PNPLA7: variants seen among roughly 807,000 people sequenced by gnomAD.
PNPLA7 encodes patatin like domain 7, lysophospholipase.
PNPLA7 carries 153 observed loss-of-function variants against 161.7 expected under a neutral mutation model. That is an observed-to-expected ratio of 0.95 (90% CI 0.83 to 1.08). The LOEUF is 1.08. PNPLA7 is among the 50% of genes least tolerant of loss of function. The pLI is 0.00. For missense variants in PNPLA7, 1,739 were observed against 1,856.6 expected, an observed-to-expected ratio of 0.94 and a Z score of 1.16; for synonymous variants, 809 against 782.1, an observed-to-expected ratio of 1.03 and a Z score of -0.57.
At chr9:137,514,716 C>G (rs1834431520) in intron 12 of PNPLA7, among the ~76,000 whole-genome samples, 1 of 140,892 alleles carries the variant, frequency 7.1e-6, no homozygotes, top group Non-Finnish European at 1.5e-5. Context: ...TGCCCGGGCC[C>G]TGTGGCTGGG....
chr9:137,517,271 C>CCTCA (rs1214334438), intron 11 of PNPLA7, among the ~76,000 whole-genome samples: 1 of 106,490 alleles, frequency 9.4e-6, no homozygotes, highest in African/African-American at 3.9e-5. Context: ...CCACTCCATC[C>CCTCA]CTCACTCACT....
Position 137,543,449 on chromosome 9 carries a change from G to A in PNPLA7, c.489C>T (p.Tyr163=), listed in dbSNP as rs1462515773. The A allele has an allele frequency of 1.9e-6, 3 of 1,614,004 alleles. No homozygotes were observed. Among genetic ancestry groups the A allele is most frequent in the African/African-American group, 1.3e-5 (1 of 74,938 alleles). Residue 163 remains tyrosine (Y), a synonymous_variant, in exon 6 of 35, where the codon TAC becomes TAT. Transcript: ENST00000406427. The surrounding 1 kb of genome is among the most constrained non-coding windows in gnomAD (Gnocchi z 6.9). ...GCTCTTACCGAACGTTTTTCAGCAT[G>A]TACAGAACTTCCGATGGCAGGTGAG... The part of the protein sequence containing the change: ...KNSHLPSEVL[Y]MLKNVRVLGH...
intron 27 of PNPLA7, 42 bp downstream of exon 27, chr9:137,464,298 A>G (rs1479404277): frequency 6.2e-7 from 1 of 1,604,958 alleles, no homozygotes; most frequent in Admixed American, 1.7e-5. Flanking sequence ...AGGAGGGGAC[A>G]GGCACTGGGG....
chr9:137,502,152 G>A (rs1370835987), intron 14 of PNPLA7, among the ~76,000 whole-genome samples: 1 of 152,178 alleles, frequency 6.6e-6, no homozygotes, highest in Non-Finnish European at 1.5e-5. Context: ...GGAGCTCCCA[G>A]AGGTGACCCG....
At position 137,523,293 on chromosome 9, in the gene PNPLA7, G is replaced by A. The variant is rs1252449450; in HGVS notation, c.748-436C>T. Among the ~76,000 whole-genome samples, 1 of 152,118 alleles carries A rather than the reference G, an allele frequency of 6.6e-6. No individual in the cohort carries two copies. Among genetic ancestry groups the A allele is most frequent in the African/African-American group, 2.4e-5 (1 of 41,418 alleles). The stretch of plus-strand genomic sequence containing the variant: ...CTAAAAAGGCCACCGAGAGGGTCAG[G>A]AGCCACCACTGTCAAATGCCCACCG... On this transcript the variant is annotated intron_variant, in intron 8 of 34. Transcript: ENST00000406427. This position sits in a 1 kb window ranked among gnomAD's most constrained non-coding sequence, Gnocchi z 4.4.
Position 137,480,301 on chromosome 9 carries a change from C to T in PNPLA7, c.2580+11G>A. 2 of 1,610,264 alleles carry T rather than the reference C, an allele frequency of 1.2e-6. No homozygotes were observed. The highest frequency in any genetic ancestry group is 1.7e-6 in the Non-Finnish European group (2 of 1,179,416). ...GCTCTCCCCAGCTCCACCGGCCCTCCCCGTGCTCACCTCGCCCACTGTGGG... is the reference window on the plus strand; with the variant it reads ...GCTCTCCCCAGCTCCACCGGCCCTCTCCGTGCTCACCTCGCCCACTGTGGG... On this transcript the variant is annotated intron_variant, in intron 23 of 34. Transcript: ENST00000406427.
rs1266912570 is a variant in PNPLA7 at position 137,523,504 on chromosome 9, G to A, written c.748-647C>T. ...ATCTTCTAGAAATTGGTGGGCTCTA[G>A]AGAGAAAAGGCTGTTTTTAAATCAC... On this transcript the variant is annotated intron_variant, in intron 8 of 34. Coordinates refer to ENST00000406427, the MANE Select transcript of PNPLA7 (RefSeq NM_001098537.3). This position sits in a 1 kb window ranked among gnomAD's most constrained non-coding sequence, Gnocchi z 4.4. Among the ~76,000 whole-genome samples, 2 of 152,234 alleles carry A rather than the reference G, an allele frequency of 1.3e-5. No individual in the cohort carries two copies. The highest frequency in any genetic ancestry group is 1.3e-4 in the Admixed American group (2 of 15,282).
intron 11 of PNPLA7, among the ~76,000 whole-genome samples, chr9:137,518,163 A>C (rs1588663459): frequency 1.6e-5 from 1 of 63,868 alleles, no homozygotes; most frequent in African/African-American, 7.1e-5. Context: ...TCACGCACTC[A>C]CTCCACTCTG....
chr9:137,528,249 G>T (rs1810088912), intron 8 of PNPLA7, among the ~76,000 whole-genome samples: 1 of 151,992 alleles, frequency 6.6e-6, no homozygotes, highest in Non-Finnish European at 1.5e-5. Context: ...ATGGATTCCT[G>T]CTCTTTATTA....
intron 19 of PNPLA7, 137 bp from the exon 20 acceptor site, chr9:137,493,219 T>C (rs112930214): frequency 5.6e-6 from 5 of 887,370 alleles, no homozygotes; most frequent in Non-Finnish European, 8.9e-6. Context: ...ATGAACTGAG[T>C]TGCACATGAC....
At position 137,542,719 on chromosome 9, in the gene PNPLA7, C is replaced by T. The variant is rs200310224; in HGVS notation, c.589G>A (p.Val197Ile). The T allele has an allele frequency of 3.5e-5, 57 of 1,613,642 alleles. 2 individuals carry two copies. In the South Asian group the frequency reaches 5.2e-4, roughly 15 times the overall value. ...GGGTCCGGCTCCCTGGGCTGGAAGA[C>T]GTGCTCCCCTTCCTGCAGCTGCACA... is the stretch of plus-strand genomic sequence containing the variant. ...VFVQLQEGEH[V>I]FQPREPDPSI... is the part of the protein sequence containing the mutation. The change falls in exon 7 of 35, where the codon GTC becomes ATC. Residue 197 changes from valine to isoleucine, a missense_variant. Physicochemically the swap from Val to Ile is conservative, Grantham distance 29. Coordinates refer to ENST00000406427, the MANE Select transcript of PNPLA7 (RefSeq NM_001098537.3).
chr9:137,547,013 A>C lies in PNPLA7; in HGVS notation c.194-104T>G. ...AGTCATACTCTCGTCCCTGCCAGTAACTGGCCATACTCAGACAGCATGAGG... is the reference window on the plus strand; with the variant it reads ...AGTCATACTCTCGTCCCTGCCAGTACCTGGCCATACTCAGACAGCATGAGG... On this transcript the variant is annotated intron_variant, in intron 3 of 34. Coordinates refer to ENST00000406427, the MANE Select transcript of PNPLA7 (RefSeq NM_001098537.3). This position sits in a 1 kb window ranked among gnomAD's most constrained non-coding sequence, Gnocchi z 4.6. 1 of 1,087,876 alleles carries C rather than the reference A, an allele frequency of 9.2e-7. No individual in the cohort carries two copies. 67.4% of individuals were successfully genotyped at this position (1,087,876 alleles called of 1,614,324 possible). A position where few individuals can be genotyped will look rare whatever the true frequency, so the allele number is the denominator to read the frequency against.
At chr9:137,521,518 C>T (rs1834989405) in intron 10 of PNPLA7, 118 bp downstream of exon 10, 2 of 950,618 alleles carry the variant, frequency 2.1e-6, no homozygotes, top group Non-Finnish European at 3.2e-6. Context: ...CTGGGAAGAC[C>T]ACAGCTGTTG....
In PNPLA7 at chr9:137,524,616, C is replaced by A. The variant is rs1835206110; in HGVS notation, c.748-1759G>T. Among the ~76,000 whole-genome samples, 1 of 152,222 alleles carries A rather than the reference C, an allele frequency of 6.6e-6. No homozygotes were observed. Among genetic ancestry groups the A allele is most frequent in the Admixed American group, 6.5e-5 (1 of 15,282 alleles). ...TTGTAGGTTGTACGGAACACGTATC[C>A]TCACATTTATAAGAAACTACCAAAC... On this transcript the variant is annotated intron_variant, in intron 8 of 34. Coordinates refer to ENST00000406427, the MANE Select transcript of PNPLA7 (RefSeq NM_001098537.3). This position sits in a 1 kb window ranked among gnomAD's most constrained non-coding sequence, Gnocchi z 4.4.
chr9:137,506,014 T>C lies in PNPLA7; in HGVS notation c.1295A>G (p.Asp432Gly). ...GGCCACGGAGCTCCCGGGGTGCTCG[T>C]CCGAGTGCAGGAAGACCCTGGCACG... ...CDRARVFLHS[D>G]EHPGSSVASK... is the part of the protein sequence containing the mutation. The change falls in exon 13 of 35, where the codon GAC becomes GGC. Residue 432 changes from aspartate to glycine, a missense_variant. Asp to Gly is a moderately conservative substitution (Grantham distance 94). This residue lies in a region of PNPLA7 where 481 missense variants were observed against 450.0 expected (regional missense o/e 1.07). Transcript: ENST00000406427. 1 of 1,612,718 alleles carries C rather than the reference T, an allele frequency of 6.2e-7. No homozygotes were observed. Among genetic ancestry groups the C allele is most frequent in the Non-Finnish European group, 8.5e-7 (1 of 1,179,722 alleles).
chr9:137,462,923 G>A, intron 29 of PNPLA7, 90 bp from the exon 30 acceptor site: 2 of 1,531,358 alleles, frequency 1.3e-6, no homozygotes, highest in Non-Finnish European at 1.8e-6. Flanking sequence ...CCCTGACGTG[G>A]GGGTTGTGGG....
At position 137,465,437 on chromosome 9, in the gene PNPLA7, C is replaced by G. The variant is rs144557445; in HGVS notation, c.3040-981G>C. Among the ~76,000 whole-genome samples the G allele has an allele frequency of 2.6e-5, 4 of 152,200 alleles. 1 individual carries two copies. The highest frequency in any genetic ancestry group is 5.9e-5 in the Non-Finnish European group (4 of 68,048). ...GGCCCCCCAGCCCCAGACCCACAGA[C>G]GGAGGGACAGGGAGAGGGCCACCAG... On this transcript the variant is annotated intron_variant, in intron 26 of 34. Coordinates refer to ENST00000406427, the MANE Select transcript of PNPLA7 (RefSeq NM_001098537.3).
At position 137,511,514 on chromosome 9, in the gene PNPLA7, G is replaced by A. The variant is rs996410475; in HGVS notation, c.1225+3865C>T. 9.9e-5 allele frequency among the ~76,000 whole-genome samples: 15 copies of A among 152,102 alleles called. No homozygotes were observed. The East Asian group carries it at 1.7e-3, about 18-fold the overall frequency. ...AGCACCAGCACCTGGGAAGGCACCC[G>A]TTACTTAGTGGACCTTGGCCTGGCG... On this transcript the variant is annotated intron_variant, in intron 12 of 34. Coordinates refer to ENST00000406427, the MANE Select transcript of PNPLA7 (RefSeq NM_001098537.3).
At chr9:137,503,782 A>C (rs374988733) in intron 14 of PNPLA7, among the ~76,000 whole-genome samples, 1 of 802 alleles carries the variant, frequency 1.2e-3, no homozygotes, top group African/African-American at 3.7e-3. Context: ...GAAAAAAGAA[A>C]GAAGAGAATG....
Sources: gnomAD v4.1 joint callset for allele counts (sites outside exome capture counted in the v4.1 genomes callset) on GRCh38, gnomAD v4.1.1 for gene constraint, gnomAD v4.1.1 regional missense constraint, Gnocchi (gnomAD v3.1) non-coding constraint, MANE v1.5 for transcripts, NCBI Gene and HGNC (gene_info 2026-07-23, HGNC 2026-07-21) for gene names.